The following FER1L5 variants were observed in gnomAD, a reference collection of about 807,000 sequenced individuals.
FER1L5 encodes fer-1-like protein 5.
FER1L5 carries 187 observed loss-of-function variants against 279.9 expected under a neutral mutation model. The observed-to-expected ratio is 0.67, with a 90% CI of 0.59 to 0.75. The LOEUF is 0.75. Among genes scored for constraint, FER1L5 ranks in the 30% least tolerant of loss-of-function variants. FER1L5 has a pLI of 0.00. For missense variants in FER1L5, 2,091 were observed against 2,594.4 expected (o/e 0.81, Z 4.21); for synonymous variants, 921 against 989.7 (o/e 0.93, Z 1.30).
intron 45 of FER1L5, among the ~76,000 whole-genome samples, chr2:96,700,681 A>C (rs900671600): frequency 8.5e-5 from 13 of 152,196 alleles, no homozygotes; most frequent in African/African-American, 2.7e-4. Context: ...TCAGAGCTGG[A>C]AAGGTCATCT....
chr2:96,697,853 G>A, intron 39 of FER1L5, 92 bp downstream of exon 39: 2 of 1,508,808 alleles, frequency 1.3e-6, no homozygotes, highest in Non-Finnish European at 1.8e-6. Flanking sequence ...AGCCTCAAGT[G>A]GGAAGGTTCC....
intron 18 of FER1L5, among the ~76,000 whole-genome samples, chr2:96,672,671 T>C (rs149783233): frequency 1.3e-5 from 2 of 151,778 alleles, no homozygotes; most frequent in East Asian, 3.9e-4. Flanking sequence ...TGTGTGTGTG[T>C]GTGTGTGTGT....
chr2:96,701,822 T>A, intron 45 of FER1L5, 133 bp from the exon 46 acceptor site: 2 of 778,586 alleles, frequency 2.6e-6, no homozygotes, highest in Non-Finnish European at 4.2e-6. Context: ...CTCACAGATA[T>A]CTCTGTACCC....
intron 14 of FER1L5, among the ~76,000 whole-genome samples, chr2:96,668,062 T>C (rs2076191062): frequency 6.6e-6 from 1 of 151,882 alleles, no homozygotes; most frequent in South Asian, 2.1e-4. Flanking sequence ...GATTTCATCA[T>C]GTTGCCCAGG....
rs773200260 is a variant in FER1L5 at position 96,700,486 on chromosome 2, G to A, written c.5070+15G>A. The A allele has an allele frequency of 1.9e-6, 3 of 1,612,418 alleles. No homozygotes were observed. The highest frequency in any genetic ancestry group is 1.1e-5 in the South Asian group (1 of 91,072). ...GCATCGACCAGGTATGAGACTGGAG[G>A]GGCCACTCCTGGCTCCTACAGGAGG... On this transcript the variant is annotated intron_variant, in intron 45 of 52. Transcript: ENST00000624922.
At chr2:96,676,638 T>G (rs1006381063) in intron 19 of FER1L5, among the ~76,000 whole-genome samples, 17 of 151,872 alleles carry the variant, frequency 1.1e-4, no homozygotes, top group East Asian at 1.9e-4. Context: ...TTTGTTTTTT[T>G]TTTTTTTTAG....
chr2:96,683,078 C>T (rs2076788782), intron 19 of FER1L5, among the ~76,000 whole-genome samples: 1 of 152,244 alleles, frequency 6.6e-6, no homozygotes, highest in Non-Finnish European at 1.5e-5. Context: ...AGCTTCCCCA[C>T]TGTCCCCTCC....
rs2075165650 is a variant in FER1L5 at position 96,647,115 on chromosome 2, C to T, written c.190C>T (p.Gln64Ter). The T allele has an allele frequency of 6.4e-6, 10 of 1,551,536 alleles. No individual in the cohort carries two copies. The highest frequency in any genetic ancestry group is 7.8e-6 in the Non-Finnish European group (9 of 1,147,000). Residue 64 changes from glutamine (Q) to a stop codon, truncating the protein, a stop_gained, in exon 3 of 53, where the codon CAA becomes TAA. Transcript: ENST00000624922. LOFTEE classifies it high-confidence loss of function. ...CCCCCTGGAAAATGACTCCTTCCTG[C>T]AAGTCACCCTTCAGGACATGGGCTC... is the stretch of plus-strand genomic sequence containing the variant. ...NRPLENDSFLQVTLQDMGSQK... is the reference protein window; with the variant it reads ...NRPLENDSFL
intron 12 of FER1L5, among the ~76,000 whole-genome samples, chr2:96,662,004 T>G (rs554440850): frequency 1.3e-5 from 2 of 152,288 alleles, no homozygotes; most frequent in African/African-American, 4.8e-5. Flanking sequence ...CTGTCTATGA[T>G]GGCCAGATGC....
At chr2:96,672,443 G>A (rs938729624) in intron 18 of FER1L5, among the ~76,000 whole-genome samples, 1 of 152,134 alleles carries the variant, frequency 6.6e-6, no homozygotes, top group Admixed American at 6.6e-5. Flanking sequence ...GGTTCAGATG[G>A]GAGAAGGAAA....
intron 9 of FER1L5, among the ~76,000 whole-genome samples, chr2:96,659,255 A>G (rs2075726254): frequency 2.7e-5 from 4 of 150,110 alleles, no homozygotes; most frequent in Admixed American, 1.3e-4. Flanking sequence ...TCAAAAGCAG[A>G]CTTTTTCATT....
At chr2:96,659,420 T>C (rs1289117897) in intron 9 of FER1L5, among the ~76,000 whole-genome samples, 222 of 8,334 alleles carry the variant, frequency 0.027, no homozygotes, top group Non-Finnish European at 0.035. Context: ...TTTCTTTCTT[T>C]CTTTCTTTCT....
At chr2:96,646,597 G>T in intron 2 of FER1L5, 144 bp downstream of exon 2, 1 of 841,382 alleles carries the variant, frequency 1.2e-6, no homozygotes, top group Non-Finnish European at 1.9e-6. Flanking sequence ...TCTTGGCCTG[G>T]GAGTAGCAGC....
chr2:96,659,369 CTTTCTTT>C (rs2075791102), intron 9 of FER1L5, among the ~76,000 whole-genome samples: 1 of 14,498 alleles, frequency 6.9e-5, no homozygotes, highest in African/African-American at 4.8e-4. Context: ...TTCCTTCTTT[CTTTCTTT>C]CTTTCTTTCT....
rs764708234 is a variant in FER1L5, at chr2:96,698,139, G to A, written c.4339G>A (p.Val1447Met). The change falls in exon 40 of 53, where the codon GTG (valine) becomes ATG (methionine). Residue 1447 changes from valine to methionine, a missense_variant. By Grantham distance (21) the Val-to-Met change is conservative. Transcript: ENST00000624922. The surrounding 1 kb of genome is among the most constrained non-coding windows in gnomAD (Gnocchi z 5.5). The stretch of plus-strand genomic sequence containing the variant: ...GGAGCAGCCCAAGTTGGACAGCCCC[G>A]TGGTAGGGGAGTTCAAGGTGTGTGT... The part of the protein sequence containing the change: ...YQEQPKLDSP[V>M]VGEFKGLFRI... The A allele has an allele frequency of 6.5e-5, 102 of 1,567,976 alleles. No individual in the cohort carries two copies. The highest frequency in any genetic ancestry group is 7.6e-5 in the Non-Finnish European group (88 of 1,156,494).
In FER1L5 at chr2:96,691,696, T is replaced by C; in HGVS notation, c.3075+84T>C. Reference sequence around the variant, plus strand: ...GGCCTGGCCTGGCTGGGGCGCTGACTGCGGAGGAAGGGCCTCTGTTCCTCA... The same window carrying C: ...GGCCTGGCCTGGCTGGGGCGCTGACCGCGGAGGAAGGGCCTCTGTTCCTCA... On this transcript the variant is annotated intron_variant, in intron 29 of 52. Transcript: ENST00000624922. This position sits in a 1 kb window ranked among gnomAD's most constrained non-coding sequence, Gnocchi z 6.0. 2.6e-6 allele frequency: 4 copies of C among 1,539,004 alleles called. No individual in the cohort carries two copies. The highest frequency in any genetic ancestry group is 3.5e-6 in the Non-Finnish European group (4 of 1,139,966).
chr2:96,692,038 G>A (rs1292594885), intron 30 of FER1L5, 66 bp from the exon 31 acceptor site: 3 of 1,545,810 alleles, frequency 1.9e-6, no homozygotes, highest in Non-Finnish European at 2.6e-6. Context: ...GGGACAGGGT[G>A]GGGGCAGTCA....
Position 96,685,948 on chromosome 2 carries a change from T to A in FER1L5, c.1904T>A (p.Leu635Gln), listed in dbSNP as rs2076907822. 1 of 1,541,242 alleles carries A rather than the reference T, an allele frequency of 6.5e-7. No individual in the cohort carries two copies. The highest frequency in any genetic ancestry group is 8.8e-7 in the Non-Finnish European group (1 of 1,142,058). ...RELAEDCKRP[L>Q]PCMTYQPKAT... ...CCCTGTCCTGGCCACAGGCGCCCTC[T>A]GCCCTGCATGACCTATCAGCCCAAA... Residue 635 changes from leucine (L) to glutamine (Q), a missense_variant, in exon 22 of 53, where the codon CTG becomes CAG. By Grantham distance (113) the Leu-to-Gln change is moderately radical. Transcript: ENST00000624922.
At chr2:96,677,748 C>A (rs1052682419) in intron 19 of FER1L5, among the ~76,000 whole-genome samples, 2 of 152,014 alleles carry the variant, frequency 1.3e-5, no homozygotes, top group Non-Finnish European at 2.9e-5. Context: ...GCCTGTAATC[C>A]CAGCTACTCA....
Sources: allele counts gnomAD v4.1 joint callset (sites outside exome capture counted in the v4.1 genomes callset), GRCh38; gene constraint gnomAD v4.1.1; non-coding constraint Gnocchi (gnomAD v3.1); transcripts MANE v1.5; gene names NCBI Gene and HGNC (gene_info 2026-07-23, HGNC 2026-07-21).